BAZ2B: variants seen among roughly 807,000 people sequenced by gnomAD.
The protein encoded by BAZ2B is bromodomain adjacent to zinc finger domain 2B.
A neutral mutation model predicts 246.0 loss-of-function variants in BAZ2B; 91 were observed. The ratio of observed to expected loss-of-function variants is 0.37; its 90% CI spans 0.31 to 0.44. The LOEUF (loss-of-function observed/expected upper bound fraction) is 0.44, where lower values mean the gene tolerates loss of function less well. Among genes scored for constraint, BAZ2B ranks in the 20% least tolerant of loss-of-function variants. BAZ2B has a pLI of 1.00. For synonymous variants in BAZ2B, 855 were observed against 860.0 expected, an observed-to-expected ratio of 0.99 and a Z score of 0.10; for missense variants, 2,332 against 2,533.7, an observed-to-expected ratio of 0.92 and a Z score of 1.71.
intron 24 of BAZ2B, 143 bp from the exon 25 acceptor site, chr2:159,382,945 A>T (rs1182914619): frequency 8.7e-7 from 1 of 1,152,150 alleles, no homozygotes; most frequent in Admixed American, 3.1e-5. Context: ...AAAAAATTAG[A>T]ATTAGGAAAC....
chr2:159,670,393 T>G, the BAZ2B span, among the ~76,000 whole-genome samples: 6 of 152,232 alleles, frequency 3.9e-5, no homozygotes, highest in Admixed American at 3.3e-4. Flanking sequence ...AGGATCACAA[T>G]ATACATCTCT....
the BAZ2B span, among the ~76,000 whole-genome samples, chr2:159,635,476 A>G: frequency 6.6e-6 from 1 of 152,128 alleles, no homozygotes; most frequent in Non-Finnish European, 1.5e-5. Flanking sequence ...TTCGGAGCAC[A>G]TGTGGTCCTG....
chr2:159,349,202 T>C lies in BAZ2B; in HGVS notation c.4942A>G (p.Thr1648Ala). The part of the protein sequence containing the change: ...TGVVTSNIPF[T>A]SSVPSLGSGL... ...GATCCTAGACTAGGTACAGATGATG[T>C]AAATGGAATATTAGAAGTAACCACA... The change falls in exon 29 of 37, where the codon ACA becomes GCA. Residue 1648 changes from threonine to alanine, a missense_variant. By Grantham distance (58) the Thr-to-Ala change is moderately conservative. Coordinates refer to ENST00000392783, the MANE Select transcript of BAZ2B (RefSeq NM_013450.4). 1 of 1,614,052 alleles carries C rather than the reference T, an allele frequency of 6.2e-7. No individual in the cohort carries two copies. Among genetic ancestry groups the C allele is most frequent in the Non-Finnish European group, 8.5e-7 (1 of 1,179,936 alleles).
Position 159,433,269 on chromosome 2 carries a change from G to A in BAZ2B, c.1388C>T (p.Ala463Val), listed in dbSNP as rs1576980862. The A allele has an allele frequency of 1.2e-6, 2 of 1,614,098 alleles. No individual in the cohort carries two copies. The highest frequency in any genetic ancestry group is 4.5e-5 in the East Asian group (2 of 44,880). Residue 463 changes from alanine to valine, a missense_variant, in exon 9 of 37, where the codon GCA becomes GTA. Physicochemically the swap from Ala to Val is moderately conservative, Grantham distance 64 (BLOSUM62 0). This residue lies in a region of BAZ2B where 651 missense variants were observed against 650.9 expected (regional missense o/e 1.00). Coordinates refer to ENST00000392783, the MANE Select transcript of BAZ2B (RefSeq NM_013450.4). ...TGGATGTGCTGGTGAACTAGAGGTT[G>A]CTTTTGGATTTGACAAAGCTGCAAT... ...KVIAALSNPK[A>V]TSSSPAHPKQ...
chr2:159,387,408 A>G (rs62171532), intron 21 of BAZ2B, among the ~76,000 whole-genome samples: 9,399 of 152,252 alleles, frequency 0.062, 415 homozygotes, highest in Middle Eastern at 0.15. Context: ...TGTTAATGAG[A>G]GCCTAAAAAA....
chr2:159,630,538 C>CAT, the BAZ2B span, among the ~76,000 whole-genome samples: 1 of 145,222 alleles, frequency 6.9e-6, no homozygotes, highest in African/African-American at 2.5e-5. Flanking sequence ...ATTCTTCTCT[C>CAT]TTTTTTTTTT....
intron 31 of BAZ2B, among the ~76,000 whole-genome samples, chr2:159,338,533 T>C (rs777987630): frequency 1.3e-5 from 2 of 152,194 alleles, no homozygotes; most frequent in Non-Finnish European, 2.9e-5. Flanking sequence ...AATACATGTA[T>C]GTTGACTGAA....
chr2:159,450,781 C>G (rs948449213), intron 4 of BAZ2B, among the ~76,000 whole-genome samples: 1 of 151,280 alleles, frequency 6.6e-6, no homozygotes. Flanking sequence ...GCTCTGTCGC[C>G]CAGGCTGGAG....
intron 31 of BAZ2B, 28 bp from the exon 32 acceptor site, chr2:159,337,800 T>C: frequency 3.1e-6 from 5 of 1,589,124 alleles, no homozygotes; most frequent in South Asian, 1.1e-5. Flanking sequence ...AGTGTTATTA[T>C]GGTTTCCTCT....
At chr2:159,560,572 CTT>C (rs768908340) in intron 1 of BAZ2B, among the ~76,000 whole-genome samples, 5 of 143,090 alleles carry the variant, frequency 3.5e-5, no homozygotes, top group African/African-American at 5.1e-5. Flanking sequence ...TATAAAGCAA[CTT>C]TTTTTTTTTT....
the BAZ2B span, chr2:159,689,328 GT>G: frequency 2.8e-6 from 1 of 351,050 alleles, no homozygotes; most frequent in Non-Finnish European, 5.3e-6. Flanking sequence ...AGCTCCATGA[GT>G]TTTCCCAATT....
At position 159,348,682 on chromosome 2, in the gene BAZ2B, C is replaced by T; in HGVS notation, c.5289G>A (p.Lys1763=). 1.3e-6 allele frequency: 2 copies of T among 1,596,500 alleles called. No homozygotes were observed. The highest frequency in any genetic ancestry group is 2.2e-5 in the East Asian group (1 of 44,718). ...AAATATCTTTTAGGTACACACCATC[C>T]TTATTCTTGAGGCAGGCTTGAGTAA... ...DYITQACLKN[K]DVAIIELNEN... Residue 1763 remains lysine (K), a synonymous_variant, in exon 30 of 37, where the codon AAG becomes AAA. Coordinates refer to ENST00000392783, the MANE Select transcript of BAZ2B (RefSeq NM_013450.4).
chr2:159,356,645 C>T (rs1257681715), intron 27 of BAZ2B, among the ~76,000 whole-genome samples: 2 of 152,174 alleles, frequency 1.3e-5, no homozygotes, highest in African/African-American at 2.4e-5. Flanking sequence ...AGACTGCCTC[C>T]TCAGTTGAGT....
chr2:159,599,318 C>T (rs1297169623), intron 1 of BAZ2B, among the ~76,000 whole-genome samples: 6 of 152,050 alleles, frequency 3.9e-5, no homozygotes, highest in Non-Finnish European at 5.9e-5. Flanking sequence ...GCCACACAAA[C>T]TTAAGAAATC....
intron 13 of BAZ2B, among the ~76,000 whole-genome samples, chr2:159,413,070 T>A (rs901634845): frequency 3.9e-5 from 6 of 152,166 alleles, no homozygotes; most frequent in African/African-American, 1.2e-4. Flanking sequence ...TGGTTGCCTA[T>A]CATCAAAAAG....
chr2:159,399,049 T>C (rs983123078), intron 17 of BAZ2B, 155 bp from the exon 18 acceptor site: 3 of 553,680 alleles, frequency 5.4e-6, no homozygotes, highest in African/African-American at 1.9e-5. Flanking sequence ...GTTAACATTA[T>C]GTTTAACGTA....
intron 3 of BAZ2B, chr2:159,459,815 T>C (rs2076194271): frequency 6.6e-6 from 1 of 152,102 alleles, no homozygotes; most frequent in Non-Finnish European, 1.5e-5. Flanking sequence ...CTTACATTAA[T>C]ATACTTAATA....
At chr2:159,464,450 C>T (rs1013849639) in intron 3 of BAZ2B, 6 of 152,098 alleles carry the variant, frequency 3.9e-5, no homozygotes, top group Non-Finnish European at 4.4e-5. Flanking sequence ...GGTCAATGTG[C>T]CCTTCTCAGA....
At chr2:159,607,712 G>T (rs1035166287) in intron 1 of BAZ2B, among the ~76,000 whole-genome samples, 5 of 152,116 alleles carry the variant, frequency 3.3e-5, no homozygotes, top group African/African-American at 1.2e-4. Context: ...ATAGGCTTAT[G>T]CAGTCCTTCT....
Sources: gnomAD v4.1 joint callset for allele counts (sites outside exome capture counted in the v4.1 genomes callset) on GRCh38, gnomAD v4.1.1 for gene constraint, gnomAD v4.1.1 regional missense constraint, MANE v1.5 for transcripts, NCBI Gene and HGNC (gene_info 2026-07-23, HGNC 2026-07-21) for gene names.